Variants in TXNDC9 observed in about 807,000 individuals in gnomAD.
TXNDC9 encodes thioredoxin domain-containing protein 9.
TXNDC9 carries 7 observed loss-of-function variants against 23.0 expected under a neutral mutation model. The observed-to-expected ratio is 0.30, with a 90% confidence interval of 0.17 to 0.57. The LOEUF (loss-of-function observed/expected upper bound fraction) is 0.57, where lower values mean the gene tolerates loss of function less well. Ranked by LOEUF, TXNDC9 falls within the 20% of genes least tolerant of loss-of-function variation. The pLI is 0.90. For synonymous variants in TXNDC9, 72 were observed against 90.6 expected (o/e 0.79, Z 1.17); for missense variants, 198 against 252.6 (o/e 0.78, Z 1.47).
rs749417513 is a variant in TXNDC9, at chr2:99,322,142, G to C, written c.376C>G (p.Leu126Val). ...AGGAAAGGTGCTTTTTCCACATTCA[G>C]CTTCAAAAATTTGGTCTCGAGGTGT... ...KKHLETKFLK[L>V]NVEKAPFLCE... The change falls in exon 4 of 5, where the codon CTG becomes GTG. Residue 126 changes from leucine (L) to valine (V), a missense_variant. By Grantham distance (32) the Leu-to-Val change is conservative. Coordinates refer to ENST00000264255, the MANE Select transcript of TXNDC9 (RefSeq NM_005783.4). The C allele has an allele frequency of 1.2e-6, 2 of 1,614,110 alleles. No individual in the cohort carries two copies. The highest frequency in any genetic ancestry group is 2.2e-5 in the East Asian group (1 of 44,862).
intron 3 of TXNDC9, among the ~76,000 whole-genome samples, chr2:99,324,604 C>T (rs964700334): frequency 1.3e-5 from 2 of 152,002 alleles, no homozygotes; most frequent in South Asian, 2.1e-4. Context: ...GATGGAGTCT[C>T]GCTCTGTCGC....
At chr2:99,326,289 G>A (rs72954283) in intron 3 of TXNDC9, among the ~76,000 whole-genome samples, 24,347 of 152,070 alleles carry the variant, frequency 0.16, 2,105 homozygotes, top group East Asian at 0.26. Context: ...ATCAATTCTT[G>A]AAAGGTGTTA....
At chr2:99,326,149 C>T (rs889912448) in intron 3 of TXNDC9, among the ~76,000 whole-genome samples, 2 of 152,134 alleles carry the variant, frequency 1.3e-5, no homozygotes, top group Admixed American at 6.6e-5. Flanking sequence ...TGGTTGTGTA[C>T]CATAAGGGCA....
chr2:99,312,124 C>T, the TXNDC9 span, among the ~76,000 whole-genome samples: 6 of 152,126 alleles, frequency 3.9e-5, no homozygotes, highest in African/African-American at 7.2e-5. Flanking sequence ...CCTAAAGGGG[C>T]CAGCCCTAGC....
Position 99,333,038 on chromosome 2 carries a change from G to T in TXNDC9, c.173C>A (p.Ala58Asp). The change falls in exon 2 of 5, where the codon GCT becomes GAT. Residue 58 changes from alanine to aspartate, a missense_variant. Ala to Asp is a moderately radical substitution (Grantham distance 126, BLOSUM62 -2). Transcript: ENST00000264255. ...KEKRLQALRK[A>D]QQQKQEWLSK... The stretch of plus-strand genomic sequence containing the variant: ...AGAGGTTACTTGTTTCTGCTGTTGA[G>T]CTTTCCTTAGTGCCTGGAGTCTCTT... 1 of 1,613,962 alleles carries T rather than the reference G, an allele frequency of 6.2e-7. No individual in the cohort carries two copies.
intron 3 of TXNDC9, chr2:99,322,591 T>G: frequency 6.5e-7 from 1 of 1,537,234 alleles, no homozygotes; most frequent in Non-Finnish European, 8.7e-7. Flanking sequence ...TGGTGCCATA[T>G]TTGGAAGTCA....
intron 3 of TXNDC9, among the ~76,000 whole-genome samples, chr2:99,324,256 A>G (rs2094208746): frequency 6.6e-6 from 1 of 152,140 alleles, no homozygotes; most frequent in Admixed American, 6.5e-5. Context: ...CCTCTAGATG[A>G]CTCACACACA....
chr2:99,333,948 G>T (rs965517352), intron 1 of TXNDC9, among the ~76,000 whole-genome samples: 5 of 152,098 alleles, frequency 3.3e-5, no homozygotes, highest in Admixed American at 2.0e-4. Flanking sequence ...TAAATTTTGG[G>T]TTTTTTTCCA....
chr2:99,314,529 CTTT>C (rs55729391), downstream of TXNDC9, among the ~76,000 whole-genome samples: 2 of 97,418 alleles, frequency 2.1e-5, no homozygotes, highest in African/African-American at 3.9e-5. Flanking sequence ...AATACTACAC[CTTT>C]TTTTTTTTTT....
chr2:99,306,211 C>T, the TXNDC9 span, among the ~76,000 whole-genome samples: 26 of 147,700 alleles, frequency 1.8e-4, no homozygotes, highest in Non-Finnish European at 3.1e-4. Flanking sequence ...AAGTAAAAAA[C>T]ACACAAAAAA....
At chr2:99,316,913 C>A (rs953586482), downstream of TXNDC9, among the ~76,000 whole-genome samples, 12 of 152,060 alleles carry the variant, frequency 7.9e-5, no homozygotes, top group Non-Finnish European at 1.5e-4. Context: ...CCCGCCACCA[C>A]GCCCGGCTAA....
chr2:99,329,826 G>C (rs905585285), intron 2 of TXNDC9, among the ~76,000 whole-genome samples: 1 of 151,878 alleles, frequency 6.6e-6, no homozygotes, highest in Non-Finnish European at 1.5e-5. Context: ...AAATTAGCCA[G>C]GTGTGTTGGC....
the TXNDC9 span, chr2:99,306,660 G>T: frequency 1.6e-5 from 6 of 381,066 alleles, no homozygotes; most frequent in East Asian, 4.8e-4. Flanking sequence ...TAGGTCCTGG[G>T]TGTCTGTAAA....
At chr2:99,310,015 C>T in the TXNDC9 span, among the ~76,000 whole-genome samples, 1 of 151,974 alleles carries the variant, frequency 6.6e-6, no homozygotes, top group African/African-American at 2.4e-5. Flanking sequence ...TCGGCTTTGT[C>T]GTCTGTAAAA....
the TXNDC9 span, chr2:99,306,872 G>C: frequency 2.3e-6 from 1 of 428,976 alleles, no homozygotes; most frequent in Non-Finnish European, 4.7e-6. Flanking sequence ...TACAATGTCA[G>C]AGGCATTATA....
At chr2:99,328,307 G>A (rs909786562) in intron 2 of TXNDC9, among the ~76,000 whole-genome samples, 2 of 144,788 alleles carry the variant, frequency 1.4e-5, no homozygotes, top group African/African-American at 2.6e-5. Flanking sequence ...TTACTATATC[G>A]CCCAGGCTGG....
chr2:99,316,966 C>T (rs1203366089), downstream of TXNDC9, among the ~76,000 whole-genome samples: 4 of 152,152 alleles, frequency 2.6e-5, no homozygotes, highest in East Asian at 1.9e-4. Context: ...CGGTGTTAGC[C>T]AGGACGGTCT....
chr2:99,309,372 GA>G, the TXNDC9 span, among the ~76,000 whole-genome samples: 304 of 148,262 alleles, frequency 2.1e-3, no homozygotes, highest in Middle Eastern at 3.5e-3. Flanking sequence ...ACTCTGTCTC[GA>G]AAAAAAAAAT....
the TXNDC9 span, chr2:99,306,816 C>T: frequency 2.2e-6 from 1 of 455,228 alleles, no homozygotes; most frequent in East Asian, 7.0e-5. Flanking sequence ...TTTTGGAACA[C>T]AGTCTTGGCC....
Sources: gnomAD v4.1 joint callset for allele counts (sites outside exome capture counted in the v4.1 genomes callset) on GRCh38, gnomAD v4.1.1 for gene constraint, MANE v1.5 for transcripts, NCBI Gene and HGNC (gene_info 2026-07-23, HGNC 2026-07-21) for gene names.